Variants in ZNF423 observed in about 807,000 individuals in gnomAD.
ZNF423 encodes zinc finger protein 423, also known as Ebf-associated zinc finger protein.
In ZNF423, 12 loss-of-function variants were observed where a neutral mutation model predicts 95.8. The ratio of observed to expected loss-of-function variants is 0.13; its 90% CI spans 0.08 to 0.20. ZNF423 has a LOEUF of 0.20. Among genes scored for constraint, ZNF423 ranks in the 10% least tolerant of loss-of-function variants. The pLI is 1.00. For missense variants in ZNF423, 1,316 were observed against 1,737.1 expected, an observed-to-expected ratio of 0.76 and a Z score of 4.31; for synonymous variants, 749 against 711.9, an observed-to-expected ratio of 1.05 and a Z score of -0.83.
chr16:49,581,012 T>G (rs1273745989), intron 5 of ZNF423, among the ~76,000 whole-genome samples: 1 of 152,186 alleles, frequency 6.6e-6, no homozygotes, highest in East Asian at 1.9e-4. Flanking sequence ...GCCGTGATAT[T>G]TATAACAATA....
chr16:49,689,550 T>G (rs1159094458), intron 3 of ZNF423, among the ~76,000 whole-genome samples: 1 of 152,174 alleles, frequency 6.6e-6, no homozygotes, highest in Non-Finnish European at 1.5e-5. Context: ...CACACCTCCG[T>G]GACCTCCAGG....
intron 2 of ZNF423, among the ~76,000 whole-genome samples, chr16:49,754,781 G>A (rs2033694763): frequency 6.6e-6 from 1 of 152,240 alleles, no homozygotes; most frequent in Non-Finnish European, 1.5e-5. Context: ...GGGCTTGCGG[G>A]CCTGGGGTCG....
intron 3 of ZNF423, among the ~76,000 whole-genome samples, chr16:49,685,353 A>G (rs758757704): frequency 1.4e-4 from 22 of 152,172 alleles, no homozygotes; most frequent in Non-Finnish European, 2.9e-4. Context: ...CTAGGGATAG[A>G]GCAATGGAGG....
chr16:49,786,436 C>T (rs1043935033), intron 2 of ZNF423, among the ~76,000 whole-genome samples: 4 of 152,350 alleles, frequency 2.6e-5, no homozygotes, highest in South Asian at 2.1e-4. Context: ...GAAAAGCTTG[C>T]GCTCTGGGCC....
chr16:49,790,178 G>A (rs994408512), intron 1 of ZNF423, among the ~76,000 whole-genome samples: 8 of 152,230 alleles, frequency 5.3e-5, no homozygotes, highest in Non-Finnish European at 1.0e-4. Context: ...CCAGTCTGGG[G>A]CATGTAATAA....
chr16:49,827,979 C>A (rs778324187), intron 1 of ZNF423, among the ~76,000 whole-genome samples: 18 of 152,158 alleles, frequency 1.2e-4, no homozygotes, highest in Non-Finnish European at 2.6e-4. Flanking sequence ...TTCTTAGTGA[C>A]CCTAGTATGA....
intron 1 of ZNF423, among the ~76,000 whole-genome samples, chr16:49,840,903 G>A (rs2035176185): frequency 6.6e-6 from 1 of 152,206 alleles, no homozygotes; most frequent in Non-Finnish European, 1.5e-5. Context: ...CCTGAGCCTG[G>A]CCAGGAAGCC....
chr16:49,640,276 C>T (rs1332343980), intron 3 of ZNF423, among the ~76,000 whole-genome samples: 4 of 152,100 alleles, frequency 2.6e-5, no homozygotes, highest in African/African-American at 9.7e-5. Context: ...CACACAGATG[C>T]GCATACACAC....
chr16:49,731,835 C>T (rs770445404), intron 2 of ZNF423, among the ~76,000 whole-genome samples: 5 of 152,040 alleles, frequency 3.3e-5, no homozygotes, highest in Non-Finnish European at 5.9e-5. Flanking sequence ...ATAGTGTCAC[C>T]TGTGACCTGG....
chr16:49,652,573 G>A (rs1254846769), intron 3 of ZNF423, among the ~76,000 whole-genome samples: 1 of 152,136 alleles, frequency 6.6e-6, no homozygotes, highest in East Asian at 1.9e-4. Flanking sequence ...TCGCCTGCCC[G>A]CCTCTTCACA....
chr16:49,812,386 G>A (rs1287679611), intron 1 of ZNF423, among the ~76,000 whole-genome samples: 2 of 152,162 alleles, frequency 1.3e-5, no homozygotes, highest in Admixed American at 6.5e-5. Flanking sequence ...CATAGTCAAC[G>A]CTACTGATAA....
chr16:49,845,669 T>C (rs1355128317), intron 1 of ZNF423, among the ~76,000 whole-genome samples: 1 of 151,850 alleles, frequency 6.6e-6, no homozygotes. Flanking sequence ...GCCTCCTAAG[T>C]AGCTGGGACT....
chr16:49,842,910 C>T (rs1244463922), intron 1 of ZNF423, among the ~76,000 whole-genome samples: 4 of 147,160 alleles, frequency 2.7e-5, no homozygotes, highest in South Asian at 2.2e-4. Context: ...ACCCGGGAGG[C>T]GGAGGTTGCA....
intron 1 of ZNF423, chr16:49,854,410 TC>T (rs2035334800): frequency 1.0e-6 from 1 of 985,256 alleles, no homozygotes; most frequent in African/African-American, 1.7e-5. Context: ...TTCCAGCCAT[TC>T]CAGCCAGGCG....
At chr16:49,549,801 C>T (rs1474251299) in intron 5 of ZNF423, among the ~76,000 whole-genome samples, 2 of 152,186 alleles carry the variant, frequency 1.3e-5, no homozygotes, top group African/African-American at 2.4e-5. Flanking sequence ...GAACTAACTA[C>T]ATTTCTGAAC....
intron 3 of ZNF423, among the ~76,000 whole-genome samples, chr16:49,704,608 C>T (rs1385183754): frequency 6.6e-6 from 1 of 152,206 alleles, no homozygotes. Flanking sequence ...TTTGCTTACT[C>T]CATGCATGCA....
chr16:49,491,408 C>T (rs1443439959), intron 7 of ZNF423, 104 bp from the exon 8 acceptor site: 3 of 1,418,366 alleles, frequency 2.1e-6, no homozygotes, highest in East Asian at 2.3e-5. Flanking sequence ...AAAAGCGTCT[C>T]GATTATAACA....
intron 2 of ZNF423, among the ~76,000 whole-genome samples, chr16:49,757,931 C>T (rs2033757826): frequency 6.6e-6 from 1 of 152,210 alleles, no homozygotes; most frequent in African/African-American, 2.4e-5. Context: ...TGTTGGTCCC[C>T]CTGCCTGTGG....
chr16:49,554,060 CAAT>C (rs936048419), intron 5 of ZNF423, among the ~76,000 whole-genome samples: 3 of 152,178 alleles, frequency 2.0e-5, no homozygotes, highest in Admixed American at 1.3e-4. Flanking sequence ...CCCCCCACAA[CAAT>C]GATATCTTTT....
Sources: allele counts gnomAD v4.1 joint callset (sites outside exome capture counted in the v4.1 genomes callset), GRCh38; gene constraint gnomAD v4.1.1; transcripts MANE v1.5; gene names NCBI Gene and HGNC (gene_info 2026-07-23, HGNC 2026-07-21).